The following MUC22 variants were observed in gnomAD, a reference collection of about 807,000 sequenced individuals.
The protein encoded by MUC22 is mucin-22.
Under a neutral mutation model 40.3 loss-of-function variants are expected in MUC22, and 24 were observed. The ratio of observed to expected loss-of-function variants is 0.60; its 90% CI spans 0.43 to 0.84. MUC22 has a LOEUF of 0.84. MUC22 is among the 40% of genes least tolerant of loss of function. The pLI, the probability that MUC22 is intolerant of heterozygous loss-of-function variation, is 0.00. For synonymous variants in MUC22, 765 were observed against 844.5 expected, an observed-to-expected ratio of 0.91 and a Z score of 1.63; for missense variants, 1,926 against 2,130.7, an observed-to-expected ratio of 0.90 and a Z score of 1.89.
intron 1 of MUC22, among the ~76,000 whole-genome samples, chr6:31,014,638 T>C (rs1432549405): frequency 6.6e-6 from 1 of 152,126 alleles, no homozygotes; most frequent in Non-Finnish European, 1.5e-5. Flanking sequence ...AACAAGGAGA[T>C]CCCGAAAGTG....
rs961124509 is a variant in MUC22, at chr6:31,027,955, G to A, written c.2524G>A (p.Gly842Ser). Reference sequence around the variant, plus strand: ...TGGGACCACTGCAGCCTCCACTGCAGGCTCTGAGACCACCACAGTCTCTAC... The same window carrying A: ...TGGGACCACTGCAGCCTCCACTGCAAGCTCTGAGACCACCACAGTCTCTAC... Residue 842 changes from glycine (G) to serine (S), a missense_variant, in exon 2 of 4, where the codon GGC (glycine) becomes AGC (serine). Physicochemically the swap from Gly to Ser is moderately conservative, Grantham distance 56 (BLOSUM62 0). This residue lies in a region of MUC22 where 1,281 missense variants were observed against 1,337.8 expected (regional missense o/e 0.96). Transcript: ENST00000561890. The A allele has an allele frequency of 2.6e-5, 40 of 1,534,948 alleles. 1 individual carries two copies. Among genetic ancestry groups the A allele is most frequent in the Non-Finnish European group, 3.4e-5 (39 of 1,146,734 alleles).
In MUC22 at chr6:31,032,632, G is replaced by A. The variant is rs756874531; in HGVS notation, c.5055+51G>A. 3.4e-6 allele frequency: 5 copies of A among 1,490,502 alleles called. No homozygotes were observed. The highest frequency in any genetic ancestry group is 1.4e-5 in the African/African-American group (1 of 72,288). The allele number at this position is 1,490,502 out of a possible 1,614,324, so 92.3% of individuals were successfully genotyped here. A position where few individuals can be genotyped will look rare whatever the true frequency, so the allele number is the denominator to read the frequency against. On this transcript the variant is annotated intron_variant, in intron 3 of 3. Transcript: ENST00000561890. The surrounding 1 kb of genome is among the most constrained non-coding windows in gnomAD (Gnocchi z 4.1). ...GGGAGCCTGGCAAGAAGGCAGGGGG[G>A]AATCATGTCAGCAGTGCTTTGGAAA...
At chr6:31,019,033 C>T (rs866848921) in intron 1 of MUC22, among the ~76,000 whole-genome samples, 4 of 152,330 alleles carry the variant, frequency 2.6e-5, no homozygotes, top group African/African-American at 9.6e-5. Context: ...TCCAGTTTCA[C>T]GTCTTTTGAT....
At chr6:31,013,097 C>T (rs1202880476) in intron 1 of MUC22, among the ~76,000 whole-genome samples, 1 of 147,204 alleles carries the variant, frequency 6.8e-6, no homozygotes, top group Non-Finnish European at 1.5e-5. Context: ...TCAGCCACCA[C>T]CTCTCCCTCC....
intron 1 of MUC22, among the ~76,000 whole-genome samples, chr6:31,018,328 T>G (rs1764409581): frequency 6.6e-6 from 1 of 152,184 alleles, no homozygotes; most frequent in Non-Finnish European, 1.5e-5. Flanking sequence ...CAACTATCCT[T>G]CCTGTATTTA....
At chr6:31,006,896 C>G (rs1581589113), upstream of MUC22, among the ~76,000 whole-genome samples, 1 of 152,112 alleles carries the variant, frequency 6.6e-6, no homozygotes, top group Admixed American at 6.6e-5. Context: ...CGTCTGTAAT[C>G]CCAGCACTTG....
chr6:31,017,848 G>T (rs1370522122), intron 1 of MUC22, among the ~76,000 whole-genome samples: 1 of 152,192 alleles, frequency 6.6e-6, no homozygotes, highest in African/African-American at 2.4e-5. Context: ...AATCCGCTTG[G>T]GTACTCTTCT....
chr6:31,035,116 T>C (rs1766361708), exon 4 of MUC22: 2 of 682,758 alleles, frequency 2.9e-6, no homozygotes, highest in Admixed American at 3.0e-5. Flanking sequence ...CAGGATGTGA[T>C]CCATGGAGAT....
At chr6:31,012,010 C>T (rs1349549836) in intron 1 of MUC22, among the ~76,000 whole-genome samples, 2 of 152,198 alleles carry the variant, frequency 1.3e-5, no homozygotes, top group Non-Finnish European at 2.9e-5. Context: ...AAGGAAACAG[C>T]CCAGGGGAGA....
chr6:31,007,801 G>C (rs907880765), upstream of MUC22, among the ~76,000 whole-genome samples: 4 of 152,106 alleles, frequency 2.6e-5, no homozygotes, highest in African/African-American at 7.2e-5. The surrounding 1 kb of genome is among the most constrained non-coding windows in gnomAD (Gnocchi z 4.0). Flanking sequence ...CACAACCCCT[G>C]TTTGCTCTTT....
chr6:31,016,190 T>C (rs1246185213), intron 1 of MUC22, among the ~76,000 whole-genome samples: 1 of 151,898 alleles, frequency 6.6e-6, no homozygotes, highest in Non-Finnish European at 1.5e-5. Flanking sequence ...ACATTTGAAG[T>C]TGGTTTTGCT....
At chr6:31,025,686 A>G in exon 2 of MUC22, 1 of 1,531,090 alleles carries the variant, frequency 6.5e-7, no homozygotes, top group Non-Finnish European at 8.7e-7. Flanking sequence ...CTTCTACTGC[A>G]GCCTTCACCA....
In MUC22 at chr6:31,032,230, C is replaced by T; in HGVS notation, c.4704C>T (p.Ser1568=). ...CCACTGGAACCAGACTCACTGCCTC[C>T]AGCTCTGTCACCATGGCCCCTGGAA... The change falls in exon 3 of 4, where the codon TCC becomes TCT. Residue 1568 remains serine (S), a synonymous_variant. Coordinates refer to ENST00000561890, the Ensembl canonical transcript of MUC22. This position sits in a 1 kb window ranked among gnomAD's most constrained non-coding sequence, Gnocchi z 4.1. The T allele has an allele frequency of 6.5e-7, 1 of 1,535,488 alleles. No homozygotes were observed. Among genetic ancestry groups the T allele is most frequent in the Middle Eastern group, 1.7e-4 (1 of 5,988 alleles).
chr6:31,025,494 C>T lies in MUC22; in HGVS notation c.71-8C>T. On this transcript the variant is annotated splice_polypyrimidine_tract_variant and splice_region_variant and intron_variant, in intron 1 of 3. Coordinates refer to ENST00000561890, the Ensembl canonical transcript of MUC22. ...CATTCCCACCACCTTATTTGTTCTC[C>T]ACCTCAGGCTCTGAGAATACCACAG... 1 of 1,479,620 alleles carries T rather than the reference C, an allele frequency of 6.8e-7. No individual in the cohort carries two copies. The highest frequency in any genetic ancestry group is 8.9e-7 in the Non-Finnish European group (1 of 1,124,492). The allele number at this position is 1,479,620 out of a possible 1,614,324, so 91.7% of individuals were successfully genotyped here. A position where few individuals can be genotyped will look rare whatever the true frequency, so the allele number is the denominator to read the frequency against.
chr6:31,026,763 A>G (rs573171602), exon 2 of MUC22: 1 of 1,496,814 alleles, frequency 6.7e-7, no homozygotes, highest in Non-Finnish European at 8.9e-7. Flanking sequence ...CTGCAGGCTC[A>G]GAGACCACCA....
At chr6:31,029,976 C>G (rs1280944871) in exon 2 of MUC22, 1 of 1,535,670 alleles carries the variant, frequency 6.5e-7, no homozygotes, top group Admixed American at 2.0e-5. Context: ...GCTCTGAGAC[C>G]ACCACAGTCT....
At chr6:31,007,713 AAT>A (rs2150733499), upstream of MUC22, among the ~76,000 whole-genome samples, 1 of 152,272 alleles carries the variant, frequency 6.6e-6, no homozygotes, top group South Asian at 2.1e-4. The surrounding 1 kb of genome is among the most constrained non-coding windows in gnomAD (Gnocchi z 4.0). Context: ...TACTCTACGT[AAT>A]TGCCGGGTCC....
intron 1 of MUC22, among the ~76,000 whole-genome samples, chr6:31,021,543 T>TGCTCTGGAGGGG (rs1764745086): frequency 6.8e-6 from 1 of 146,164 alleles, no homozygotes; most frequent in African/African-American, 2.6e-5. Flanking sequence ...TGTATCTAGC[T>TGCTCTGGAGGGG]CAAGGTTTGT....
At chr6:31,033,317 AAAG>A (rs1766213810) in intron 3 of MUC22, among the ~76,000 whole-genome samples, 1 of 121,068 alleles carries the variant, frequency 8.3e-6, no homozygotes, top group Non-Finnish European at 1.9e-5. Context: ...AAGAAAAAAG[AAAG>A]AAGGAAAGAA....
Sources: allele counts gnomAD v4.1 joint callset (sites outside exome capture counted in the v4.1 genomes callset), GRCh38; gene constraint gnomAD v4.1.1; regional missense constraint gnomAD v4.1.1; non-coding constraint Gnocchi (gnomAD v3.1); transcripts MANE v1.5; gene names NCBI Gene and HGNC (gene_info 2026-07-23, HGNC 2026-07-21).